KANSL1L: variants seen among roughly 807,000 people sequenced by gnomAD.
KANSL1L encodes the protein KAT8 regulatory NSL complex subunit 1 like, also known as KAT8 regulatory NSL complex subunit 1-like protein.
A neutral mutation model predicts 108.6 loss-of-function variants in KANSL1L; 25 were observed. The observed-to-expected ratio is 0.23, with a 90% CI of 0.17 to 0.32. The LOEUF (loss-of-function observed/expected upper bound fraction) is 0.32. Ranked by LOEUF, KANSL1L falls within the 10% of genes least tolerant of loss-of-function variation. The pLI, the probability that KANSL1L is intolerant of heterozygous loss-of-function variation, is 1.00. For synonymous variants in KANSL1L, 405 were observed against 395.1 expected, an observed-to-expected ratio of 1.03 and a Z score of -0.30; for missense variants, 1,137 against 1,125.7, an observed-to-expected ratio of 1.01 and a Z score of -0.14.
rs59660914 is a variant in KANSL1L, at chr2:210,079,680, ATATATATATATGTATGTGTG to A, written c.1551-3944_1551-3925del. ...TATATATATATGTATGTGTGTATAT[ATATATATATATGTATGTGTG>A]TATATATATATATATATATATATAT... On this transcript the variant is annotated intron_variant, in intron 5 of 14. Coordinates refer to ENST00000281772, the MANE Select transcript of KANSL1L (RefSeq NM_152519.4). 59 of 32,060 alleles carry A rather than the reference ATATATATATATGTATGTGTG, an allele frequency of 1.8e-3. 1 individual carries two copies. The highest frequency in any genetic ancestry group is 4.8e-3 in the African/African-American group (56 of 11,760). The allele number at this position is 32,060 out of a possible 1,614,324, so 2.0% of individuals were successfully genotyped here.
chr2:210,077,583 T>C (rs2094551535), intron 5 of KANSL1L, among the ~76,000 whole-genome samples: 1 of 152,038 alleles, frequency 6.6e-6, no homozygotes, highest in East Asian at 1.9e-4. Context: ...AGATGTAGGA[T>C]CCAGGAAGTT....
chr2:210,098,782 C>G (rs2125410142), intron 4 of KANSL1L, among the ~76,000 whole-genome samples: 1 of 149,892 alleles, frequency 6.7e-6, no homozygotes, highest in Non-Finnish European at 1.5e-5. Flanking sequence ...TAACAACACA[C>G]TGTTTCTCAA....
intron 3 of KANSL1L, among the ~76,000 whole-genome samples, chr2:210,110,247 C>T (rs2094891049): frequency 6.6e-6 from 1 of 152,198 alleles, no homozygotes; most frequent in South Asian, 2.1e-4. Flanking sequence ...TAATCTTCCT[C>T]CACTGCACTA....
Position 210,098,167 on chromosome 2 carries a change from G to T in KANSL1L, c.1469C>A (p.Pro490His). The T allele has an allele frequency of 6.2e-7, 1 of 1,612,520 alleles. No individual in the cohort carries two copies. The highest frequency in any genetic ancestry group is 8.5e-7 in the Non-Finnish European group (1 of 1,179,198). The stretch of plus-strand genomic sequence containing the variant: ...TGATGAAGTTGGGGACAAGTTGAGA[G>T]GGGCAATCAAACTGTTGATGATCTC... ...LTEIINSLIA[P>H]LNLSPTSSPL... Residue 490 changes from proline to histidine, a missense_variant, in exon 5 of 15, where the codon CCT becomes CAT. Physicochemically the swap from Pro to His is moderately conservative, Grantham distance 77 (BLOSUM62 -2). Transcript: ENST00000281772.
intron 6 of KANSL1L, among the ~76,000 whole-genome samples, chr2:210,060,623 A>G (rs2094409587): frequency 6.6e-6 from 1 of 152,272 alleles, no homozygotes; most frequent in African/African-American, 2.4e-5. Flanking sequence ...AGCGTTCTTC[A>G]GAGTAACAGT....
intron 6 of KANSL1L, 75 bp downstream of exon 6, chr2:210,075,477 A>T: frequency 1.0e-6 from 1 of 960,830 alleles, no homozygotes; most frequent in Non-Finnish European, 1.6e-6. Context: ...CTAAATAACA[A>T]TCTACATCTT....
chr2:210,033,316 C>T (rs982943714), intron 8 of KANSL1L, among the ~76,000 whole-genome samples: 2 of 152,136 alleles, frequency 1.3e-5, no homozygotes, highest in East Asian at 1.9e-4. Context: ...GTAATCTAAA[C>T]GTACTAAAAT....
chr2:210,024,235 T>G, intron 13 of KANSL1L, 34 bp from the exon 14 acceptor site: 1 of 1,507,328 alleles, frequency 6.6e-7, no homozygotes, highest in Non-Finnish European at 8.9e-7. Context: ...CAATTATTTT[T>G]TATTTTTTGA....
At chr2:210,166,783 T>C (rs1026085257) in intron 1 of KANSL1L, among the ~76,000 whole-genome samples, 8 of 152,068 alleles carry the variant, frequency 5.3e-5, no homozygotes, top group African/African-American at 1.9e-4. Flanking sequence ...CAACAGTATT[T>C]TGAGAGAGGG....
chr2:210,109,323 A>G (rs2094882286), intron 3 of KANSL1L, among the ~76,000 whole-genome samples: 1 of 152,086 alleles, frequency 6.6e-6, no homozygotes, highest in African/African-American at 2.4e-5. Context: ...GGATGTGCAG[A>G]CCCCTAGGAG....
intron 1 of KANSL1L, among the ~76,000 whole-genome samples, chr2:210,161,880 T>A (rs996825868): frequency 5.3e-5 from 8 of 151,800 alleles, no homozygotes; most frequent in South Asian, 2.1e-4. Flanking sequence ...AAAAATTTTT[T>A]AAAATTTTTA....
At chr2:210,102,952 C>A (rs1319562308) in intron 4 of KANSL1L, among the ~76,000 whole-genome samples, 2 of 152,148 alleles carry the variant, frequency 1.3e-5, no homozygotes, top group Non-Finnish European at 2.9e-5. Flanking sequence ...TTTGACCCAG[C>A]CATCCCATTA....
chr2:210,167,153 C>T (rs891686339), intron 1 of KANSL1L, among the ~76,000 whole-genome samples: 6 of 151,914 alleles, frequency 3.9e-5, no homozygotes, highest in Non-Finnish European at 8.8e-5. Context: ...CTCAAAAATA[C>T]AGGAATTAAT....
At chr2:210,101,690 G>A (rs2094795273) in intron 4 of KANSL1L, among the ~76,000 whole-genome samples, 1 of 152,134 alleles carries the variant, frequency 6.6e-6, no homozygotes. Context: ...TTTGACATCA[G>A]ATAATTACCA....
intron 2 of KANSL1L, among the ~76,000 whole-genome samples, chr2:210,143,726 T>C (rs2095246245): frequency 6.6e-6 from 1 of 152,196 alleles, no homozygotes; most frequent in African/African-American, 2.4e-5. Flanking sequence ...CAATCTCATA[T>C]ACAAACTCTC....
chr2:210,154,678 A>C (rs2095323706), intron 1 of KANSL1L, 67 bp from the exon 2 acceptor site: 3 of 939,836 alleles, frequency 3.2e-6, no homozygotes, highest in Admixed American at 3.1e-5. Flanking sequence ...CTTTTTTCTA[A>C]GGGCAACATG....
rs569072484 is a variant in KANSL1L, at chr2:210,067,716, C to CAAAA, written c.1755+7832_1755+7835dup. Among the ~76,000 whole-genome samples the CAAAA allele has an allele frequency of 9.8e-4, 91 of 92,918 alleles. 4 individuals carry two copies. Among genetic ancestry groups the CAAAA allele is most frequent in the African/African-American group, 4.0e-3 (87 of 21,742 alleles). 61.0% of individuals were successfully genotyped at this position (92,918 alleles called of 152,430 possible). ...GAGTGACAGAGTGAGACCCTGTCTC[C>CAAAA]AAAAAAAAAAAAAAAAAAAAAAAAA... On this transcript the variant is annotated intron_variant, in intron 6 of 14. Coordinates refer to ENST00000281772, the MANE Select transcript of KANSL1L (RefSeq NM_152519.4).
At chr2:210,094,394 C>T (rs1477363707) in intron 5 of KANSL1L, among the ~76,000 whole-genome samples, 2 of 151,952 alleles carry the variant, frequency 1.3e-5, no homozygotes, top group East Asian at 3.9e-4. Flanking sequence ...ATAGACTAAG[C>T]CCTTACTCCT....
At chr2:210,025,959 G>T (rs1264848671) in intron 12 of KANSL1L, among the ~76,000 whole-genome samples, 1 of 152,158 alleles carries the variant, frequency 6.6e-6, no homozygotes, top group African/African-American at 2.4e-5. Flanking sequence ...TATTCATTCA[G>T]GAGTTTTTAT....
Sources: allele counts gnomAD v4.1 joint callset (sites outside exome capture counted in the v4.1 genomes callset), GRCh38; gene constraint gnomAD v4.1.1; transcripts MANE v1.5; gene names NCBI Gene and HGNC (gene_info 2026-07-23, HGNC 2026-07-21).